The following POT1 variants were observed in gnomAD, a reference collection of about 807,000 sequenced individuals.
POT1 encodes protection of telomeres 1, also known as protection of telomeres protein 1.
Under a neutral mutation model 78.5 loss-of-function variants are expected in POT1, and 47 were observed. That is an observed-to-expected ratio of 0.60 (90% CI 0.47 to 0.76). POT1 has a LOEUF of 0.76. POT1 is among the 30% of genes least tolerant of loss of function. POT1 has a pLI of 0.00. For synonymous variants in POT1, 259 were observed against 260.7 expected (o/e 0.99, Z 0.06); for missense variants, 646 against 749.9 (o/e 0.86, Z 1.62).
intron 8 of POT1, among the ~76,000 whole-genome samples, chr7:124,859,483 G>A (rs1277461332): frequency 6.6e-6 from 1 of 152,012 alleles, no homozygotes; most frequent in East Asian, 1.9e-4. Flanking sequence ...AATTATAATA[G>A]TAATACATTT....
intron 15 of POT1, among the ~76,000 whole-genome samples, chr7:124,832,713 C>CGG (rs531274116): frequency 6.7e-6 from 1 of 149,432 alleles, no homozygotes; most frequent in Admixed American, 6.8e-5. Flanking sequence ...AGCTACTCGG[C>CGG]GGGGGGGTTG....
intron 7 of POT1, 103 bp from the exon 8 acceptor site, chr7:124,863,743 A>G: frequency 2.1e-6 from 2 of 954,028 alleles, no homozygotes; most frequent in Non-Finnish European, 3.2e-6. Flanking sequence ...TTTTGCCAGC[A>G]TAATTAAGAG....
chr7:124,897,614 G>GA (rs952935414), intron 4 of POT1, among the ~76,000 whole-genome samples: 1 of 151,472 alleles, frequency 6.6e-6, no homozygotes, highest in African/African-American at 2.4e-5. Context: ...TTTTCAGAAA[G>GA]AAAAAAATCA....
intron 7 of POT1, among the ~76,000 whole-genome samples, chr7:124,868,343 C>CT (rs1795781249): frequency 6.6e-6 from 1 of 152,018 alleles, no homozygotes; most frequent in Non-Finnish European, 1.5e-5. Context: ...AATGCTAAAT[C>CT]TATACAGGAG....
At chr7:124,882,615 T>G (rs1042513001) in intron 6 of POT1, among the ~76,000 whole-genome samples, 3 of 152,006 alleles carry the variant, frequency 2.0e-5, no homozygotes, top group African/African-American at 7.2e-5. Context: ...GGAGTTTTAC[T>G]TCCATGTTTT....
intron 7 of POT1, among the ~76,000 whole-genome samples, chr7:124,868,089 CTT>C (rs943084861): frequency 1.3e-5 from 2 of 151,968 alleles, no homozygotes; most frequent in African/African-American, 4.8e-5. Flanking sequence ...GATCTTGACT[CTT>C]GTTTTAATGT....
At chr7:124,918,620 A>G (rs1797074249) in intron 2 of POT1, among the ~76,000 whole-genome samples, 1 of 152,192 alleles carries the variant, frequency 6.6e-6, no homozygotes, top group African/African-American at 2.4e-5. Flanking sequence ...GAAGTGAGCA[A>G]AGAAAACTGG....
intron 15 of POT1, among the ~76,000 whole-genome samples, chr7:124,831,800 G>C (rs189381508): frequency 1.3e-5 from 2 of 151,656 alleles, no homozygotes; most frequent in Admixed American, 1.3e-4. Flanking sequence ...GGCATAGTAC[G>C]AAACAGTTTA....
At chr7:124,921,851 G>A (rs1035992593) in intron 2 of POT1, among the ~76,000 whole-genome samples, 1 of 151,842 alleles carries the variant, frequency 6.6e-6, no homozygotes, top group Non-Finnish European at 1.5e-5. Flanking sequence ...AAAGAGAAAA[G>A]GGTAATAATG....
At chr7:124,833,048 C>G (rs940010234) in intron 15 of POT1, among the ~76,000 whole-genome samples, 2 of 151,866 alleles carry the variant, frequency 1.3e-5, no homozygotes, top group African/African-American at 4.8e-5. Flanking sequence ...ACTTATTATA[C>G]AAGAAAAACT....
chr7:124,881,603 G>T (rs1340862176), intron 6 of POT1, among the ~76,000 whole-genome samples: 1 of 151,888 alleles, frequency 6.6e-6, no homozygotes, highest in Non-Finnish European at 1.5e-5. Flanking sequence ...TAGTAACAAT[G>T]CAAACTGCTA....
chr7:124,891,601 T>C (rs1796374062), intron 6 of POT1, among the ~76,000 whole-genome samples: 1 of 151,704 alleles, frequency 6.6e-6, no homozygotes, highest in Admixed American at 6.6e-5. Flanking sequence ...CCCTATTTTC[T>C]TCTCTTGCTA....
Position 124,903,560 on chromosome 7 carries a change from C to A in POT1, c.-153-5186G>T, listed in dbSNP as rs536908098. 3.9e-5 allele frequency among the ~76,000 whole-genome samples: 6 copies of A among 152,214 alleles called. No individual in the cohort carries two copies. The East Asian group carries it at 1.2e-3, about 29-fold the overall frequency. Reference sequence around the variant, plus strand: ...GGAAATTTATAGCACTAAATACCCACAAGAGAAAGCAAGAAAGATCTAAAA... The same window carrying A: ...GGAAATTTATAGCACTAAATACCCAAAAGAGAAAGCAAGAAAGATCTAAAA... On this transcript the variant is annotated intron_variant, in intron 3 of 18. Transcript: ENST00000357628.
intron 9 of POT1, among the ~76,000 whole-genome samples, chr7:124,855,407 A>G (rs966183854): frequency 6.6e-6 from 1 of 151,788 alleles, no homozygotes; most frequent in Non-Finnish European, 1.5e-5. Flanking sequence ...ACATAACAAA[A>G]TTTCGAGGCC....
intron 12 of POT1, among the ~76,000 whole-genome samples, chr7:124,843,616 A>T (rs1795085598): frequency 6.6e-6 from 1 of 152,240 alleles, no homozygotes; most frequent in Non-Finnish European, 1.5e-5. Flanking sequence ...TAGGTACAAT[A>T]GGTCTCCTCA....
At chr7:124,897,486 TCAGTTCTCAGGA>T (rs1358962198) in intron 4 of POT1, among the ~76,000 whole-genome samples, 1 of 151,946 alleles carries the variant, frequency 6.6e-6, no homozygotes, top group African/African-American at 2.4e-5. Flanking sequence ...ACAGCAATAT[TCAGTTCTCAGGA>T]CAGTTCTCAG....
chr7:124,852,777 T>G (rs148473708), intron 10 of POT1, among the ~76,000 whole-genome samples, 195 bp downstream of exon 10: 1,815 of 152,188 alleles, frequency 0.012, 22 homozygotes, highest in South Asian at 0.035. Flanking sequence ...AAACTTCAAC[T>G]ATAACCCTGG....
At chr7:124,920,359 A>G (rs1438350801) in intron 2 of POT1, among the ~76,000 whole-genome samples, 2 of 152,194 alleles carry the variant, frequency 1.3e-5, no homozygotes, top group African/African-American at 4.8e-5. Flanking sequence ...CATTTATATG[A>G]CATTCTTGAA....
intron 12 of POT1, chr7:124,843,399 G>A (rs1795078657): frequency 6.6e-6 from 1 of 152,428 alleles, no homozygotes. Flanking sequence ...ACTTTTTACA[G>A]AACCATCATT....
Sources: allele counts gnomAD v4.1 joint callset (sites outside exome capture counted in the v4.1 genomes callset), GRCh38; gene constraint gnomAD v4.1.1; transcripts MANE v1.5; gene names NCBI Gene and HGNC (gene_info 2026-07-23, HGNC 2026-07-21).